Variants in STAB1 observed in about 807,000 individuals in gnomAD.
STAB1 encodes stabilin-1.
In STAB1, 250 loss-of-function variants were observed where a neutral mutation model predicts 332.4. The observed-to-expected ratio is 0.75, with a 90% CI of 0.68 to 0.84. The LOEUF (loss-of-function observed/expected upper bound fraction) is 0.84. STAB1 is among the 40% of genes least tolerant of loss of function. The pLI, the probability that STAB1 is intolerant of heterozygous loss-of-function variation, is 0.00. For missense variants in STAB1, 3,249 were observed against 3,489.7 expected (o/e 0.93, Z 1.74); for synonymous variants, 1,475 against 1,390.4 (o/e 1.06, Z -1.35).
chr3:52,502,980 C>T lies in STAB1; in HGVS notation c.584-19C>T. ...CAGCCTGGGCTTGGGCTCATCAGTG[C>T]TCTCTCCACTCTGCGCAGAGCTGCC... On this transcript the variant is annotated intron_variant, in intron 6 of 68. Transcript: ENST00000321725. The T allele has an allele frequency of 6.5e-7, 1 of 1,530,314 alleles. No individual in the cohort carries two copies. 94.8% of individuals were successfully genotyped at this position (1,530,314 alleles called of 1,614,324 possible). A position where few individuals can be genotyped will look rare whatever the true frequency, so the allele number is the denominator to read the frequency against.
chr3:52,511,908 C>T lies in STAB1; in HGVS notation c.2883+163C>T, dbSNP rs114175375. On this transcript the variant is annotated intron_variant, in intron 26 of 68. Coordinates refer to ENST00000321725, the MANE Select transcript of STAB1 (RefSeq NM_015136.3). Reference sequence around the variant, plus strand: ...ACCATGTCACTCCTCTCCCCCTTCACCCGCCCCTGCCCAGCCTCGTCTCTC... The same window carrying T: ...ACCATGTCACTCCTCTCCCCCTTCATCCGCCCCTGCCCAGCCTCGTCTCTC... Among the ~76,000 whole-genome samples, 506 of 152,326 alleles carry T rather than the reference C, an allele frequency of 3.3e-3. 1 individual carries two copies. The highest frequency in any genetic ancestry group is 5.6e-3 in the Non-Finnish European group (378 of 68,020).
At chr3:52,511,804 A>C in intron 26 of STAB1, 59 bp downstream of exon 26, 1 of 1,354,956 alleles carries the variant, frequency 7.4e-7, no homozygotes, top group Non-Finnish European at 1.0e-6. Context: ...CCTGGGCTGC[A>C]GCTCTCTCCC....
In STAB1 at chr3:52,521,439, T is replaced by C. The variant is rs1366409647; in HGVS notation, c.5987T>C (p.Leu1996Pro). The C allele has an allele frequency of 2.5e-6, 4 of 1,613,920 alleles. No individual in the cohort carries two copies. Among genetic ancestry groups the C allele is most frequent in the Non-Finnish European group, 3.4e-6 (4 of 1,180,032 alleles). Residue 1996 changes from leucine to proline, a missense_variant, in exon 56 of 69, where the codon CTG (leucine) becomes CCG (proline). By Grantham distance (98) the Leu-to-Pro change is moderately conservative (BLOSUM62 -3). Coordinates refer to ENST00000321725, the MANE Select transcript of STAB1 (RefSeq NM_015136.3). ...MDGMSGSGQC[L>P]CRSGFAGTAC... ...GGCATGAGTGGCAGTGGGCAGTGTC[T>C]GTGCCGTTCAGGTTTTGCTGGGACA...
chr3:52,502,001 C>T lies in STAB1; in HGVS notation c.332-5C>T. ...CACAGAGCTGAGTACTGTGGGGGTC[C>T]ACAGAATGCCCTGGGGGCGCTGAGA... On this transcript the variant is annotated splice_region_variant and splice_polypyrimidine_tract_variant and intron_variant, in intron 3 of 68. Coordinates refer to ENST00000321725, the MANE Select transcript of STAB1 (RefSeq NM_015136.3). 1 of 1,611,844 alleles carries T rather than the reference C, an allele frequency of 6.2e-7. No homozygotes were observed. Among genetic ancestry groups the T allele is most frequent in the Non-Finnish European group, 8.5e-7 (1 of 1,179,970 alleles).
intron 36 of STAB1, 21 bp from the exon 37 acceptor site, chr3:52,515,402 C>A: frequency 6.2e-7 from 1 of 1,611,692 alleles, no homozygotes. Context: ...GCTGACCCCT[C>A]CTGCCTGTCC....
intron 20 of STAB1, 55 bp downstream of exon 20, chr3:52,508,081 C>A: frequency 1.3e-6 from 2 of 1,568,334 alleles, no homozygotes; most frequent in Non-Finnish European, 1.7e-6. Flanking sequence ...TGCTGTTCCT[C>A]GGGGGCCCCC....
rs1709400613 is a variant in STAB1 at position 52,512,924 on chromosome 3, T to C, written c.3124T>C (p.Trp1042Arg). The C allele has an allele frequency of 2.5e-6, 4 of 1,611,892 alleles. No homozygotes were observed. The highest frequency in any genetic ancestry group is 2.5e-6 in the Non-Finnish European group (3 of 1,179,710). Residue 1042 changes from tryptophan to arginine, a missense_variant, in exon 29 of 69, where the codon TGG (tryptophan) becomes CGG (arginine). By Grantham distance (101) the Trp-to-Arg change is moderately radical (BLOSUM62 -3). Transcript: ENST00000321725. ...GCTGAGCCCCGAGGACCGAGCTTTCTGGCTGCAGCCAAGGACGCTGCCGAA... is the reference window on the plus strand; with the variant it reads ...GCTGAGCCCCGAGGACCGAGCTTTCCGGCTGCAGCCAAGGACGCTGCCGAA... ...RQLSPEDRAF[W>R]LQPRTLPNLV... is the part of the protein sequence containing the mutation.
Position 52,504,725 on chromosome 3 carries a change from C to T in STAB1, c.1240-14C>T, listed in dbSNP as rs780900755. The T allele has an allele frequency of 8.1e-6, 13 of 1,613,528 alleles. No homozygotes were observed. The Admixed American group carries it at 2.2e-4, about 27-fold the overall frequency. On this transcript the variant is annotated splice_polypyrimidine_tract_variant and intron_variant, in intron 11 of 68. Coordinates refer to ENST00000321725, the MANE Select transcript of STAB1 (RefSeq NM_015136.3). ...GCCCCCCGGCTCACTTTGCTCCCCGCCTTGCGTCTGCAGGCATCCCTTGCC... is the reference window on the plus strand; with the variant it reads ...GCCCCCCGGCTCACTTTGCTCCCCGTCTTGCGTCTGCAGGCATCCCTTGCC...
At position 52,503,079 on chromosome 3, in the gene STAB1, G is replaced by C; in HGVS notation, c.664G>C (p.Gly222Arg). Reference sequence around the variant, plus strand: ...GGCTCCCAGCTGCAGGTGCCTGCCCGGCTACACACAGCAGGGCAGTGAATG... The same window carrying C: ...GGCTCCCAGCTGCAGGTGCCTGCCCCGCTACACACAGCAGGGCAGTGAATG... ...AEAPSCRCLP[G>R]YTQQGSECRA... is the part of the protein sequence containing the mutation. Residue 222 changes from glycine to arginine, a missense_variant, in exon 7 of 69, where the codon GGC (glycine) becomes CGC (arginine). Gly to Arg is a moderately radical substitution (Grantham distance 125, BLOSUM62 -2). Coordinates refer to ENST00000321725, the MANE Select transcript of STAB1 (RefSeq NM_015136.3). 6.2e-7 allele frequency: 1 copy of C among 1,600,356 alleles called. No homozygotes were observed. Among genetic ancestry groups the C allele is most frequent in the South Asian group, 1.1e-5 (1 of 88,512 alleles).
At chr3:52,505,843 C>G in intron 15 of STAB1, 40 bp from the exon 16 acceptor site, 1 of 1,613,928 alleles carries the variant, frequency 6.2e-7, no homozygotes, top group East Asian at 2.2e-5. Context: ...CGCTCCCCCA[C>G]AGTTCCTCCA....
intron 37 of STAB1, 53 bp from the exon 38 acceptor site, chr3:52,515,990 C>A: frequency 6.6e-7 from 1 of 1,520,086 alleles, no homozygotes. Flanking sequence ...TCCCCTTCCC[C>A]CTGACACCTT....
rs1270496999 is a variant in STAB1, at chr3:52,509,168, T to G, written c.2236-42T>G. 3 of 1,570,964 alleles carry G rather than the reference T, an allele frequency of 1.9e-6. No homozygotes were observed. In the Admixed American group the frequency reaches 5.1e-5, roughly 27 times the overall value. On this transcript the variant is annotated intron_variant, in intron 21 of 68. Transcript: ENST00000321725. ...GTGTTGGGAGAGGGGATGTAGAGAGTCCCTTTCCCATGACTGATCCTGCCT... is the reference window on the plus strand; with the variant it reads ...GTGTTGGGAGAGGGGATGTAGAGAGGCCCTTTCCCATGACTGATCCTGCCT...
At position 52,518,780 on chromosome 3, in the gene STAB1, G is replaced by C; in HGVS notation, c.4945G>C (p.Gly1649Arg). 6.2e-7 allele frequency: 1 copy of C among 1,612,352 alleles called. No individual in the cohort carries two copies. Among genetic ancestry groups the C allele is most frequent in the South Asian group, 1.1e-5 (1 of 91,078 alleles). ...GCTGGTGTTTCGCTACCACGTGGTT[G>C]GCTGTCGGCGGCTGCGGAGCGAGGA... is the stretch of plus-strand genomic sequence containing the variant. Reference protein sequence around the residue: ...RQLVFRYHVVGCRRLRSEDLL... With the variant: ...RQLVFRYHVVRCRRLRSEDLL... The change falls in exon 48 of 69, where the codon GGC becomes CGC. Residue 1649 changes from glycine (G) to arginine (R), a missense_variant. By Grantham distance (125) the Gly-to-Arg change is moderately radical. Transcript: ENST00000321725.
intron 48 of STAB1, 24 bp downstream of exon 48, chr3:52,518,893 C>A (rs2078969468): frequency 2.0e-6 from 3 of 1,499,104 alleles, no homozygotes; most frequent in Non-Finnish European, 2.7e-6. Flanking sequence ...CTGGCCTGCC[C>A]CGCTCCATCC....
intron 1 of STAB1, among the ~76,000 whole-genome samples, chr3:52,499,569 C>G (rs1299373754): frequency 6.6e-6 from 1 of 152,252 alleles, no homozygotes; most frequent in East Asian, 1.9e-4. Context: ...GCCCCTGCGA[C>G]TGTATTCTCC....
rs999946185 is a variant in STAB1, at chr3:52,502,860, T to C, written c.583+133T>C. On this transcript the variant is annotated intron_variant, in intron 6 of 68. Coordinates refer to ENST00000321725, the MANE Select transcript of STAB1 (RefSeq NM_015136.3). ...GAGCCTAGTTGGGGAAGGGGTGTCA[T>C]CTGAGACCTCCACTGTCCAGAGGCC... 16 of 1,221,492 alleles carry C rather than the reference T, an allele frequency of 1.3e-5. No individual in the cohort carries two copies. In the East Asian group the frequency reaches 3.8e-4, roughly 29 times the overall value. 75.7% of individuals were successfully genotyped at this position (1,221,492 alleles called of 1,614,324 possible). A position where few individuals can be genotyped will look rare whatever the true frequency, so the allele number is the denominator to read the frequency against.
intron 1 of STAB1, among the ~76,000 whole-genome samples, chr3:52,495,868 G>T (rs1707982159): frequency 6.6e-6 from 1 of 152,236 alleles, no homozygotes; most frequent in African/African-American, 2.4e-5. Context: ...GAGGACTACA[G>T]ATTCACGTGG....
At chr3:52,517,427 GCC>G in intron 43 of STAB1, 34 bp downstream of exon 43, 1 of 1,580,288 alleles carries the variant, frequency 6.3e-7, no homozygotes, top group Non-Finnish European at 8.6e-7. Context: ...GGGGCATCAT[GCC>G]ATGCCCTCAC....
rs201399811 is a variant in STAB1, at chr3:52,516,444, T to C, written c.4233T>C (p.Cys1411=). 59 of 1,613,268 alleles carry C rather than the reference T, an allele frequency of 3.7e-5. No homozygotes were observed. In the East Asian group the frequency reaches 1.3e-3, roughly 36 times the overall value. The change falls in exon 39 of 69, where the codon TGT becomes TGC. Residue 1411 remains cysteine, a synonymous_variant. Transcript: ENST00000321725. The stretch of plus-strand genomic sequence containing the variant: ...ACGTGGGCTGGCAGGGCCTCCGCTG[T>C]GACCAGAGTGAGTGGGTCCCAATGG... ...VCNVGWQGLR[C]DQKITSPQCP...
Sources: allele counts gnomAD v4.1 joint callset (sites outside exome capture counted in the v4.1 genomes callset), GRCh38; gene constraint gnomAD v4.1.1; transcripts MANE v1.5; gene names NCBI Gene and HGNC (gene_info 2026-07-23, HGNC 2026-07-21).